LUZP2: variants seen among roughly 807,000 people sequenced by gnomAD.
LUZP2 encodes the protein leucine zipper protein 2.
In LUZP2, 52 loss-of-function variants were observed where a neutral mutation model predicts 51.6. The observed-to-expected ratio is 1.01, with a 90% CI of 0.81 to 1.27. The LOEUF (loss-of-function observed/expected upper bound fraction) is 1.27, where lower values mean the gene tolerates loss of function less well. Ranked by LOEUF, LUZP2 falls within the 50% of genes most tolerant of loss-of-function variation. LUZP2 has a pLI of 0.00. For synonymous variants in LUZP2, 154 were observed against 137.3 expected (o/e 1.12, Z -0.85); for missense variants, 436 against 395.4 (o/e 1.10, Z -0.87).
At chr11:24,997,303 T>C (rs1417188174) in intron 9 of LUZP2, among the ~76,000 whole-genome samples, 4 of 152,198 alleles carry the variant, frequency 2.6e-5, no homozygotes, top group Non-Finnish European at 4.4e-5. Flanking sequence ...TTTTTAATGA[T>C]CGCCATTCTA....
intron 1 of LUZP2, among the ~76,000 whole-genome samples, chr11:24,633,828 C>T (rs370103217): frequency 6.6e-6 from 1 of 151,758 alleles, no homozygotes; most frequent in Non-Finnish European, 1.5e-5. Context: ...GAACCATTAA[C>T]TTTCTATAAA....
At chr11:24,715,709 T>C (rs1858017438) in intron 1 of LUZP2, among the ~76,000 whole-genome samples, 1 of 152,212 alleles carries the variant, frequency 6.6e-6, no homozygotes, top group Admixed American at 6.5e-5. Context: ...CTTACTCTTA[T>C]CACATTTTGT....
chr11:24,966,595 A>G (rs969437039), intron 7 of LUZP2, among the ~76,000 whole-genome samples: 2 of 149,158 alleles, frequency 1.3e-5, no homozygotes, highest in Non-Finnish European at 3.0e-5. Flanking sequence ...GATTTTATAC[A>G]TGCACACATG....
chr11:25,019,634 G>A (rs566905306), intron 9 of LUZP2, among the ~76,000 whole-genome samples: 18 of 152,124 alleles, frequency 1.2e-4, no homozygotes, highest in African/African-American at 2.9e-4. Context: ...TCATTGATCC[G>A]TTCAACTCAA....
chr11:24,619,251 C>T (rs904801000), intron 1 of LUZP2, among the ~76,000 whole-genome samples: 1 of 152,064 alleles, frequency 6.6e-6, no homozygotes, highest in African/African-American at 2.4e-5. Flanking sequence ...CCAAGCTGGT[C>T]TCAAACTCCT....
chr11:24,984,261 A>T (rs1856122803), intron 9 of LUZP2, among the ~76,000 whole-genome samples: 1 of 151,376 alleles, frequency 6.6e-6, no homozygotes, highest in South Asian at 2.1e-4. Flanking sequence ...CTTACTGCTT[A>T]CTTCTGAGAT....
chr11:24,701,835 A>T (rs781315838), intron 1 of LUZP2, among the ~76,000 whole-genome samples: 17 of 152,178 alleles, frequency 1.1e-4, no homozygotes, highest in Non-Finnish European at 2.4e-4. Flanking sequence ...GTGTCACCTT[A>T]ACATTCCATA....
chr11:24,731,996 C>G, intron 2 of LUZP2, 122 bp from the exon 3 acceptor site: 1 of 661,524 alleles, frequency 1.5e-6, no homozygotes, highest in Non-Finnish European at 2.5e-6. Flanking sequence ...CCATCATAGA[C>G]TCATTTTTAA....
intron 1 of LUZP2, among the ~76,000 whole-genome samples, chr11:24,505,806 A>T (rs530221157): frequency 3.3e-5 from 5 of 152,298 alleles, no homozygotes; most frequent in Non-Finnish European, 7.4e-5. Context: ...TTAAACAACT[A>T]TAAGGCTTTT....
At position 24,922,837 on chromosome 11, in the gene LUZP2, C is replaced by CTT. The variant is rs749672583; in HGVS notation, c.522+8328_522+8329dup. On this transcript the variant is annotated intron_variant, in intron 7 of 11. Coordinates refer to ENST00000336930, the MANE Select transcript of LUZP2 (RefSeq NM_001009909.4). ...GGCACAGTTATATCTTTTTTTTTTT[C>CTT]TTTTTTTTTTTTTTTTTTTTTTTTT... 2.8e-3 allele frequency among the ~76,000 whole-genome samples: 132 copies of CTT among 47,356 alleles called. 3 individuals are homozygous for CTT. Among genetic ancestry groups the CTT allele is most frequent in the South Asian group, 0.026 (40 of 1,542 alleles). The allele number at this position is 47,356 out of a possible 152,430, so 31.1% of individuals were successfully genotyped here. A position where few individuals can be genotyped will look rare whatever the true frequency, so the allele number is the denominator to read the frequency against.
intron 8 of LUZP2, among the ~76,000 whole-genome samples, chr11:24,982,668 G>A (rs1856071732): frequency 1.3e-5 from 2 of 151,704 alleles, no homozygotes; most frequent in African/African-American, 2.4e-5. Flanking sequence ...TGGGTACTGG[G>A]CTGAGGACCT....
intron 9 of LUZP2, among the ~76,000 whole-genome samples, chr11:24,991,331 C>CAT (rs1308472265): frequency 4.8e-4 from 62 of 128,166 alleles, no homozygotes; most frequent in African/African-American, 2.0e-3. Flanking sequence ...AGTATTCCAT[C>CAT]ATATATATGT....
intron 1 of LUZP2, among the ~76,000 whole-genome samples, chr11:24,653,377 C>T (rs182704775): frequency 1.9e-3 from 294 of 152,146 alleles, no homozygotes; most frequent in African/African-American, 6.9e-3. Context: ...TTTCATTATA[C>T]CCCCAAAAAC....
chr11:24,725,010 A>G (rs774225220), intron 1 of LUZP2, among the ~76,000 whole-genome samples: 3 of 152,206 alleles, frequency 2.0e-5, no homozygotes, highest in Non-Finnish European at 2.9e-5. Context: ...CTGGATGGTA[A>G]GGTGTGTGAT....
chr11:24,982,966 A>G (rs1378453003), intron 8 of LUZP2, among the ~76,000 whole-genome samples, 160 bp from the exon 9 acceptor site: 1 of 151,874 alleles, frequency 6.6e-6, no homozygotes, highest in African/African-American at 2.4e-5. Context: ...GAGTGTGGAT[A>G]TAAAAGTATG....
At chr11:24,819,309 T>C (rs1850286761) in intron 5 of LUZP2, among the ~76,000 whole-genome samples, 1 of 152,072 alleles carries the variant, frequency 6.6e-6, no homozygotes, top group Admixed American at 6.6e-5. Flanking sequence ...GGATTTTCAT[T>C]TGTGTTTTTG....
intron 1 of LUZP2, among the ~76,000 whole-genome samples, chr11:24,723,437 C>T (rs1484644910): frequency 2.0e-5 from 3 of 152,160 alleles, no homozygotes; most frequent in African/African-American, 7.2e-5. Context: ...CAGCATTACT[C>T]ATAATATTCA....
intron 5 of LUZP2, among the ~76,000 whole-genome samples, chr11:24,880,833 T>A (rs1852440860): frequency 6.6e-6 from 1 of 152,188 alleles, no homozygotes; most frequent in Admixed American, 6.5e-5. Context: ...ACCTATTAGC[T>A]GCTTCAAATT....
chr11:24,539,356 T>C (rs1176746064), intron 1 of LUZP2, among the ~76,000 whole-genome samples: 1 of 151,936 alleles, frequency 6.6e-6, no homozygotes, highest in African/African-American at 2.4e-5. Context: ...GTTATAATTA[T>C]GAATAACTCT....
Sources: gnomAD v4.1 joint callset for allele counts (sites outside exome capture counted in the v4.1 genomes callset) on GRCh38, gnomAD v4.1.1 for gene constraint, MANE v1.5 for transcripts, NCBI Gene and HGNC (gene_info 2026-07-23, HGNC 2026-07-21) for gene names.